Variants in MCC observed in about 807,000 individuals in gnomAD.
MCC encodes the protein colorectal mutant cancer protein.
In MCC, 90 loss-of-function variants were observed where a neutral mutation model predicts 116.2. That is an observed-to-expected ratio of 0.77 (90% CI 0.65 to 0.92). MCC has a LOEUF of 0.92. Among genes scored for constraint, MCC ranks in the 40% least tolerant of loss-of-function variants. MCC has a pLI of 0.00. For missense variants in MCC, 1,516 were observed against 1,312.2 expected (o/e 1.16, Z -2.40); for synonymous variants, 578 against 510.5 (o/e 1.13, Z -1.78).
chr5:113,398,919 T>G (rs1561551790), intron 1 of MCC, among the ~76,000 whole-genome samples: 1 of 152,240 alleles, frequency 6.6e-6, no homozygotes, highest in South Asian at 2.1e-4. Context: ...AGTCTTGAAC[T>G]GTACTGTTCA....
chr5:113,225,491 G>A (rs1357612000), intron 3 of MCC, among the ~76,000 whole-genome samples: 1 of 152,124 alleles, frequency 6.6e-6, no homozygotes, highest in Non-Finnish European at 1.5e-5. Context: ...TTACCTTCTG[G>A]AATTTACTGA....
chr5:113,434,124 T>C lies in MCC; in HGVS notation c.171-48912A>G. On this transcript the variant is annotated intron_variant, in intron 1 of 18. Coordinates refer to ENST00000408903, the MANE Select transcript of MCC (RefSeq NM_001085377.2). This position sits in a 1 kb window ranked among gnomAD's most constrained non-coding sequence, Gnocchi z 4.2. ...GTCCTTGCACTCGCCTGTCAGGTGC[T>C]TGGAGCGTGGGAAGTTGACGCGGTG... The C allele has an allele frequency of 6.2e-7, 1 of 1,614,164 alleles. No individual in the cohort carries two copies. Among genetic ancestry groups the C allele is most frequent in the Non-Finnish European group, 8.5e-7 (1 of 1,180,004 alleles).
At chr5:113,200,486 AGT>A (rs1471273661) in intron 3 of MCC, among the ~76,000 whole-genome samples, 1 of 152,104 alleles carries the variant, frequency 6.6e-6, no homozygotes, top group Non-Finnish European at 1.5e-5. Flanking sequence ...TACAAGAAAC[AGT>A]GGTGGTAGGG....
chr5:113,184,479 GTTTTTTT>G (rs11303638), intron 3 of MCC, among the ~76,000 whole-genome samples: 1 of 115,144 alleles, frequency 8.7e-6, no homozygotes, highest in African/African-American at 3.0e-5. Context: ...TTCGTTTTTT[GTTTTTTT>G]TTTTTTTTTT....
chr5:113,235,596 T>C (rs985215314), intron 3 of MCC, among the ~76,000 whole-genome samples: 1 of 152,300 alleles, frequency 6.6e-6, no homozygotes, highest in South Asian at 2.1e-4. Flanking sequence ...ATCCTGCCAT[T>C]TGAGGGCACA....
intron 1 of MCC, among the ~76,000 whole-genome samples, chr5:113,468,492 T>C (rs1473415594): frequency 6.6e-6 from 1 of 152,214 alleles, no homozygotes; most frequent in Admixed American, 6.5e-5. Context: ...ATTTATTGAT[T>C]TGCGTATGTT....
At chr5:113,230,456 A>G (rs561889128) in intron 3 of MCC, among the ~76,000 whole-genome samples, 1 of 152,330 alleles carries the variant, frequency 6.6e-6, no homozygotes, top group South Asian at 2.1e-4. Context: ...TCAAATTCTT[A>G]TATGCAACAT....
At chr5:113,394,192 T>C (rs1769470624) in intron 1 of MCC, among the ~76,000 whole-genome samples, 1 of 152,158 alleles carries the variant, frequency 6.6e-6, no homozygotes, top group South Asian at 2.1e-4. Context: ...AGAAGTTATC[T>C]AGGATGTTTC....
At chr5:113,284,988 T>G (rs1174097362) in intron 3 of MCC, among the ~76,000 whole-genome samples, 1 of 152,208 alleles carries the variant, frequency 6.6e-6, no homozygotes, top group African/African-American at 2.4e-5. Context: ...TACTGAACCA[T>G]CAATCAAGGG....
At chr5:113,057,360 GCAGGGGTGCACCTTGGGAGCT>G (rs1269772557) in intron 14 of MCC, among the ~76,000 whole-genome samples, 1 of 152,180 alleles carries the variant, frequency 6.6e-6, no homozygotes, top group African/African-American at 2.4e-5. Flanking sequence ...CAGGGCAGAG[GCAGGGGTGCACCTTGGGAGCT>G]ACAGCAACAA....
chr5:113,475,069 A>G (rs1280908025), intron 1 of MCC, among the ~76,000 whole-genome samples: 2 of 152,168 alleles, frequency 1.3e-5, no homozygotes, highest in Non-Finnish European at 2.9e-5. Flanking sequence ...CACCCCATCT[A>G]CTTTCTCACT....
intron 3 of MCC, among the ~76,000 whole-genome samples, chr5:113,184,479 G>GTTTTTTTT (rs11303638): frequency 3.5e-5 from 4 of 115,134 alleles, no homozygotes; most frequent in African/African-American, 1.2e-4. Context: ...TTCGTTTTTT[G>GTTTTTTTT]TTTTTTTTTT....
chr5:113,273,392 C>T (rs1284211156), intron 3 of MCC, among the ~76,000 whole-genome samples: 1 of 152,192 alleles, frequency 6.6e-6, no homozygotes, highest in African/African-American at 2.4e-5. Context: ...TGATATAAAG[C>T]TGGAAATCAG....
intron 12 of MCC, among the ~76,000 whole-genome samples, chr5:113,069,032 G>C (rs556564876): frequency 3.3e-5 from 5 of 152,314 alleles, no homozygotes; most frequent in African/African-American, 1.2e-4. Flanking sequence ...GTATCTACTA[G>C]CCACAAATAG....
intron 1 of MCC, among the ~76,000 whole-genome samples, chr5:113,456,661 C>T (rs1442246340): frequency 4.3e-5 from 4 of 91,992 alleles, no homozygotes; most frequent in Non-Finnish European, 5.9e-5. Flanking sequence ...TTAGTAGAGA[C>T]GAGGCTTCAC....
chr5:113,262,152 C>T (rs563598392), intron 3 of MCC, among the ~76,000 whole-genome samples: 1 of 151,984 alleles, frequency 6.6e-6, no homozygotes, highest in Admixed American at 6.6e-5. Context: ...CAAGGTTCCC[C>T]GAAACAAATG....
chr5:113,440,269 T>C (rs1770995530), intron 1 of MCC, among the ~76,000 whole-genome samples: 1 of 152,148 alleles, frequency 6.6e-6, no homozygotes, highest in African/African-American at 2.4e-5. Context: ...TAGGCTCTCA[T>C]GGCCCTTAGA....
chr5:113,340,480 A>C, intron 3 of MCC, 39 bp downstream of exon 3: 1 of 1,537,582 alleles, frequency 6.5e-7, no homozygotes, highest in Non-Finnish European at 9.0e-7. Context: ...GAATACAGAC[A>C]GGCCGAAATA....
At chr5:113,189,676 C>G (rs1762061634) in intron 3 of MCC, among the ~76,000 whole-genome samples, 1 of 152,204 alleles carries the variant, frequency 6.6e-6, no homozygotes, top group Non-Finnish European at 1.5e-5. Context: ...AAGTAAATCA[C>G]TTGAGCAAGC....
Sources: allele counts gnomAD v4.1 joint callset (sites outside exome capture counted in the v4.1 genomes callset), GRCh38; gene constraint gnomAD v4.1.1; non-coding constraint Gnocchi (gnomAD v3.1); transcripts MANE v1.5; gene names NCBI Gene and HGNC (gene_info 2026-07-23, HGNC 2026-07-21).